Variants in GUF1 observed in about 807,000 individuals in gnomAD.
GUF1 encodes GTP binding elongation factor GUF1.
In GUF1, 78 loss-of-function variants were observed where a neutral mutation model predicts 82.4. The ratio of observed to expected loss-of-function variants is 0.95; its 90% CI spans 0.79 to 1.14. GUF1 has a LOEUF of 1.14. GUF1 is among the 50% of genes most tolerant of loss of function. GUF1 has a pLI of 0.00. For synonymous variants in GUF1, 279 were observed against 282.3 expected (o/e 0.99, Z 0.12); for missense variants, 814 against 798.2 (o/e 1.02, Z -0.24).
chr4:44,678,882 C>G, intron 1 of GUF1, 95 bp downstream of exon 1: 4 of 1,271,558 alleles, frequency 3.1e-6, no homozygotes, highest in Non-Finnish European at 4.2e-6. Flanking sequence ...GGGACTAGCT[C>G]TGAACCCTGC....
intron 1 of GUF1, among the ~76,000 whole-genome samples, 189 bp downstream of exon 1, chr4:44,678,976 T>C (rs1714612979): frequency 6.6e-6 from 1 of 152,220 alleles, no homozygotes; most frequent in East Asian, 1.9e-4. Context: ...AGTGTGACCT[T>C]GGGCAAGTCA....
intron 6 of GUF1, 23 bp from the exon 7 acceptor site, chr4:44,685,936 A>C: frequency 3.3e-6 from 5 of 1,534,812 alleles, no homozygotes; most frequent in Non-Finnish European, 4.5e-6. Context: ...AAATGCTTAT[A>C]TTTTTCACAT....
intron 9 of GUF1, 34 bp from the exon 10 acceptor site, chr4:44,689,252 A>T: frequency 6.5e-7 from 1 of 1,532,922 alleles, no homozygotes; most frequent in Non-Finnish European, 8.8e-7. Flanking sequence ...TAGGCAGCTT[A>T]TCACGTGATA....
At chr4:44,682,233 C>CA (rs1714811143) in intron 4 of GUF1, 101 bp from the exon 5 acceptor site, 1 of 551,714 alleles carries the variant, frequency 1.8e-6, no homozygotes, top group Non-Finnish European at 3.1e-6. Context: ...TAGCATAACG[C>CA]AAAATCTCTT....
In GUF1 at chr4:44,698,944, T is replaced by G; in HGVS notation, c.*263T>G. Reference sequence around the variant, plus strand: ...GTTTCCTCTTCAGTAAAATCGAGATTATACTACTACCTACATAAGTTGTTG... The same window carrying G: ...GTTTCCTCTTCAGTAAAATCGAGATGATACTACTACCTACATAAGTTGTTG... On this transcript the variant is annotated 3_prime_UTR_variant, in exon 17 of 17. Coordinates refer to ENST00000281543, the MANE Select transcript of GUF1 (RefSeq NM_021927.3). The G allele has an allele frequency of 3.0e-6, 1 of 328,018 alleles. No homozygotes were observed. The allele number at this position is 328,018 out of a possible 1,614,324, so 20.3% of individuals were successfully genotyped here.
At chr4:44,698,143 C>CA (rs1295573420) in intron 16 of GUF1, among the ~76,000 whole-genome samples, 1 of 151,862 alleles carries the variant, frequency 6.6e-6, no homozygotes, top group Non-Finnish European at 1.5e-5. Context: ...AACTCTATCT[C>CA]AAAAAAAGAA....
intron 15 of GUF1, among the ~76,000 whole-genome samples, 178 bp from the exon 16 acceptor site, chr4:44,697,228 TAC>T (rs1407373071): frequency 1.3e-5 from 2 of 152,186 alleles, no homozygotes; most frequent in Non-Finnish European, 2.9e-5. Context: ...TTATACCAAG[TAC>T]ATGAAAATAA....
In GUF1 at chr4:44,698,629, A is replaced by T. The variant is rs565358308; in HGVS notation, c.1958A>T (p.Glu653Val). 6.2e-7 allele frequency: 1 copy of T among 1,609,916 alleles called. No homozygotes were observed. Among genetic ancestry groups the T allele is most frequent in the African/African-American group, 1.3e-5 (1 of 74,712 alleles). The change falls in exon 17 of 17, where the codon GAA becomes GTA. Residue 653 changes from glutamate to valine, a missense_variant. Coordinates refer to ENST00000281543, the MANE Select transcript of GUF1 (RefSeq NM_021927.3). ...KKKLRKIGNV[E>V]VPKDAFIKVL... ...AAGCTGAGGAAAATTGGCAACGTTG[A>T]AGTTCCAAAAGATGCTTTTATAAAA...
chr4:44,680,893 G>A, intron 3 of GUF1, 51 bp downstream of exon 3: 6 of 1,461,960 alleles, frequency 4.1e-6, no homozygotes, highest in Non-Finnish European at 5.7e-6. Flanking sequence ...CATTGTGTCA[G>A]TAGTGCAAAC....
chr4:44,678,901 T>A, intron 1 of GUF1, 114 bp downstream of exon 1: 1 of 1,088,814 alleles, frequency 9.2e-7, no homozygotes, highest in Non-Finnish European at 1.3e-6. Flanking sequence ...GCTTGCAACT[T>A]GGTACAGGGA....
chr4:44,685,113 A>G (rs528539984), intron 6 of GUF1, among the ~76,000 whole-genome samples: 8 of 152,292 alleles, frequency 5.3e-5, no homozygotes, highest in Admixed American at 2.6e-4. Flanking sequence ...GACAGCATCA[A>G]GTAGTATATT....
At chr4:44,687,528 TA>T (rs1715133332) in intron 8 of GUF1, among the ~76,000 whole-genome samples, 1 of 151,928 alleles carries the variant, frequency 6.6e-6, no homozygotes, top group Non-Finnish European at 1.5e-5. Flanking sequence ...TAACTAAGCT[TA>T]AACTGAACTC....
Position 44,678,662 on chromosome 4 carries a change from G to A in GUF1, c.40G>A (p.Ala14Thr), listed in dbSNP as rs1374506568. Residue 14 changes from alanine (A) to threonine (T), a missense_variant, in exon 1 of 17, where the codon GCT becomes ACT. By Grantham distance (58) the Ala-to-Thr change is moderately conservative. Transcript: ENST00000281543. ...LVGRGWGCAR[A>T]LAPRATGAAL... ...GGGTCGGGGCTGGGGGTGCGCACGC[G>A]CTCTCGCGCCACGAGCCACTGGGGC... The A allele has an allele frequency of 2.7e-6, 4 of 1,488,526 alleles. No homozygotes were observed. Among genetic ancestry groups the A allele is most frequent in the East Asian group, 2.7e-5 (1 of 36,416 alleles). 92.2% of individuals were successfully genotyped at this position (1,488,526 alleles called of 1,614,324 possible). A position where few individuals can be genotyped will look rare whatever the true frequency, so the allele number is the denominator to read the frequency against.
intron 3 of GUF1, 54 bp from the exon 4 acceptor site, chr4:44,681,069 T>C (rs1714746130): frequency 6.8e-7 from 1 of 1,461,448 alleles, no homozygotes; most frequent in Non-Finnish European, 9.6e-7. Context: ...GCCATAATGC[T>C]CTTTCCTAAA....
Position 44,691,800 on chromosome 4 carries a change from G to A in GUF1, c.1613+1G>A. 6.4e-7 allele frequency: 1 copy of A among 1,572,976 alleles called. No individual in the cohort carries two copies. The highest frequency in any genetic ancestry group is 8.6e-7 in the Non-Finnish European group (1 of 1,163,538). On this transcript the variant is annotated splice_donor_variant, in intron 13 of 16. Transcript: ENST00000281543. LOFTEE classifies it high-confidence loss of function. ...AATCCCTATCTTCTGGATATGCTAG[G>A]TAAAAAAATAATGAGAACCTAAGAT...
rs1424277248 is a variant in GUF1 at position 44,686,575 on chromosome 4, G to A, written c.800G>A (p.Arg267Lys). 6.2e-7 allele frequency: 1 copy of A among 1,612,510 alleles called. No homozygotes were observed. Among genetic ancestry groups the A allele is most frequent in the Non-Finnish European group, 8.5e-7 (1 of 1,178,856 alleles). ...TTTGACTCCACCTTTGACCAGTATA[G>A]AGGTGTGATAGCCAATGTAGCATTA... ...LVFDSTFDQY[R>K]GVIANVALFD... The change falls in exon 8 of 17, where the codon AGA becomes AAA. Residue 267 changes from arginine (R) to lysine (K), a missense_variant. Physicochemically the swap from Arg to Lys is conservative, Grantham distance 26. Coordinates refer to ENST00000281543, the MANE Select transcript of GUF1 (RefSeq NM_021927.3).
chr4:44,695,243 G>A (rs751917919), intron 14 of GUF1, among the ~76,000 whole-genome samples: 13 of 152,164 alleles, frequency 8.5e-5, no homozygotes, highest in Non-Finnish European at 1.3e-4. Flanking sequence ...ACATAAAAAT[G>A]TCTGTTAAAT....
chr4:44,699,534 C>T lies in GUF1; in HGVS notation c.*853C>T, dbSNP rs997313013. 6.6e-6 allele frequency: 1 copy of T among 152,118 alleles called. No homozygotes were observed. The allele number at this position is 152,118 out of a possible 1,614,324, so 9.4% of individuals were successfully genotyped here. ...ATGAATCTCAACAAGTGAGGACCTG[C>T]TATATTTTGTTGCATGCAGTTTTTC... On this transcript the variant is annotated 3_prime_UTR_variant, in exon 17 of 17. Transcript: ENST00000281543.
chr4:44,681,853 A>C (rs1454017356), intron 4 of GUF1, among the ~76,000 whole-genome samples: 1 of 151,812 alleles, frequency 6.6e-6, no homozygotes, highest in Non-Finnish European at 1.5e-5. Context: ...TGGCCTTTAT[A>C]AACTACCTTG....
Sources: gnomAD v4.1 joint callset for allele counts (sites outside exome capture counted in the v4.1 genomes callset) on GRCh38, gnomAD v4.1.1 for gene constraint, MANE v1.5 for transcripts, NCBI Gene and HGNC (gene_info 2026-07-23, HGNC 2026-07-21) for gene names.